The following AIDA variants were observed in gnomAD, a reference collection of about 807,000 sequenced individuals.
AIDA encodes the protein axin interactor, dorsalization-associated protein.
A neutral mutation model predicts 42.7 loss-of-function variants in AIDA; 18 were observed. The ratio of observed to expected loss-of-function variants is 0.42; its 90% CI spans 0.29 to 0.63. The LOEUF (loss-of-function observed/expected upper bound fraction) is 0.63, where lower values mean the gene tolerates loss of function less well. Ranked by LOEUF, AIDA falls within the 20% of genes least tolerant of loss-of-function variation. The probability of loss-of-function intolerance (pLI) is 0.19; values close to 1 mark genes in which losing one functional copy is unlikely to be tolerated. For synonymous variants in AIDA, 104 were observed against 122.9 expected, an observed-to-expected ratio of 0.85 and a Z score of 1.02; for missense variants, 250 against 354.1, an observed-to-expected ratio of 0.71 and a Z score of 2.36.
At chr1:222,701,486 T>C (rs1655703849) in intron 2 of AIDA, among the ~76,000 whole-genome samples, 1 of 152,212 alleles carries the variant, frequency 6.6e-6, no homozygotes, top group African/African-American at 2.4e-5. Context: ...TATATGTGGC[T>C]ATCTGTGATT....
At position 222,669,789 on chromosome 1, in the gene AIDA, C is replaced by T. The variant is rs1558205070; in HGVS notation, c.*104G>A. 12 of 1,035,062 alleles carry T rather than the reference C, an allele frequency of 1.2e-5. No homozygotes were observed. Among genetic ancestry groups the T allele is most frequent in the East Asian group, 2.6e-5 (1 of 38,440 alleles). 64.1% of individuals were successfully genotyped at this position (1,035,062 alleles called of 1,614,324 possible). A position where few individuals can be genotyped will look rare whatever the true frequency, so the allele number is the denominator to read the frequency against. ...TCCGTCCGGCCTACTGGTCTGGGTA[C>T]GGCTTGCTTCCTGCCTGTTGAAGGG... On this transcript the variant is annotated 3_prime_UTR_variant, in exon 10 of 10. Coordinates refer to ENST00000340020, the MANE Select transcript of AIDA (RefSeq NM_022831.4).
intron 5 of AIDA, 91 bp from the exon 6 acceptor site, chr1:222,687,127 T>C: frequency 1.3e-6 from 2 of 1,533,744 alleles, no homozygotes; most frequent in Non-Finnish European, 1.8e-6. Context: ...GGCAAGATGC[T>C]GATATAAAAA....
At chr1:222,711,049 CA>C (rs1336050974) in intron 1 of AIDA, among the ~76,000 whole-genome samples, 5 of 130,412 alleles carry the variant, frequency 3.8e-5, no homozygotes, top group Non-Finnish European at 7.6e-5. Flanking sequence ...TTCCAAGTAC[CA>C]AGCGTATATT....
intron 4 of AIDA, among the ~76,000 whole-genome samples, chr1:222,691,295 T>A (rs145396918): frequency 6.6e-6 from 1 of 152,024 alleles, no homozygotes; most frequent in Non-Finnish European, 1.5e-5. Flanking sequence ...AGAAGTTTGA[T>A]AAGCAAGGCA....
chr1:222,670,319 G>T, intron 8 of AIDA, 69 bp from the exon 9 acceptor site: 2 of 1,281,902 alleles, frequency 1.6e-6, no homozygotes, highest in South Asian at 1.3e-5. Flanking sequence ...AATTTTCTTT[G>T]ATCACCAGAA....
chr1:222,671,090 G>A (rs561193454), intron 8 of AIDA, among the ~76,000 whole-genome samples: 30 of 152,010 alleles, frequency 2.0e-4, no homozygotes, highest in Non-Finnish European at 3.2e-4. Context: ...AGCCAGGCTC[G>A]GTGGCACGTG....
chr1:222,675,515 A>G (rs1425373713), intron 7 of AIDA, among the ~76,000 whole-genome samples: 2 of 152,242 alleles, frequency 1.3e-5, no homozygotes, highest in Non-Finnish European at 2.9e-5. Flanking sequence ...ATAGTTAAGG[A>G]TAAGAAATAC....
At chr1:222,678,943 A>G (rs1372583661) in intron 6 of AIDA, among the ~76,000 whole-genome samples, 2 of 152,294 alleles carry the variant, frequency 1.3e-5, no homozygotes, top group South Asian at 2.1e-4. Context: ...TCTGTCTTAC[A>G]TGGTGAGCAT....
At chr1:222,709,771 T>A (rs1471706175) in intron 1 of AIDA, among the ~76,000 whole-genome samples, 1 of 152,226 alleles carries the variant, frequency 6.6e-6, no homozygotes, top group African/African-American at 2.4e-5. Context: ...ACTTCCGTAA[T>A]TGCAACACCC....
rs764475670 is a variant in AIDA at position 222,673,397 on chromosome 1, G to C, written c.622C>G (p.Pro208Ala). 2.5e-6 allele frequency: 4 copies of C among 1,608,996 alleles called. No individual in the cohort carries two copies. The South Asian group carries it at 4.4e-5, about 18-fold the overall frequency. Residue 208 changes from proline (P) to alanine (A), a missense_variant, in exon 8 of 10, where the codon CCT becomes GCT. Pro to Ala is a conservative substitution (Grantham distance 27, BLOSUM62 -1). Transcript: ENST00000340020. ...GIDLTPVQDT[P>A]VASRKEDTYV... ...GTATCTTCTTTTCTTGAAGCCACAG[G>C]AGTATCTTGCACAGGAGTTAAGTCT...
intron 6 of AIDA, among the ~76,000 whole-genome samples, chr1:222,678,840 T>C (rs1190638277): frequency 5.3e-5 from 8 of 152,244 alleles, no homozygotes; most frequent in Admixed American, 5.2e-4. Context: ...CAGTTCTGGC[T>C]AGATTACCTT....
At chr1:222,679,465 T>G (rs1360218204) in intron 6 of AIDA, among the ~76,000 whole-genome samples, 2 of 152,220 alleles carry the variant, frequency 1.3e-5, no homozygotes, top group Non-Finnish European at 2.9e-5. Context: ...TTCTTCCATA[T>G]GGAAAAGCTG....
In AIDA at chr1:222,693,841, G is replaced by T; in HGVS notation, c.237C>A (p.Ser79=). 6.2e-7 allele frequency: 1 copy of T among 1,606,252 alleles called. No homozygotes were observed. The highest frequency in any genetic ancestry group is 8.5e-7 in the Non-Finnish European group (1 of 1,174,428). ...GTTTAAATTCTTCTTGAGACTGTGT[G>T]GACTAAATTTAAAATAAGCATATTA... ...CLELRSAALQ[S]TQSQEEFKLE... Residue 79 remains serine, a splice_region_variant and synonymous_variant, in exon 4 of 10, where the codon TCC becomes TCA. Coordinates refer to ENST00000340020, the MANE Select transcript of AIDA (RefSeq NM_022831.4).
chr1:222,711,792 G>A (rs895689349), intron 1 of AIDA: 1 of 198,088 alleles, frequency 5.0e-6, no homozygotes, highest in Non-Finnish European at 1.1e-5. Flanking sequence ...TGGAACGTGG[G>A]CGGAGAACAC....
chr1:222,702,876 G>A (rs544870070), intron 2 of AIDA, among the ~76,000 whole-genome samples: 2 of 152,322 alleles, frequency 1.3e-5, no homozygotes, highest in South Asian at 2.1e-4. Flanking sequence ...CCTCTTCAGC[G>A]AAAGCATGAA....
intron 1 of AIDA, 124 bp downstream of exon 1, chr1:222,712,084 T>A (rs1656083987): frequency 1.4e-6 from 2 of 1,444,406 alleles, no homozygotes; most frequent in African/African-American, 2.8e-5. Flanking sequence ...TCAGCCCCAG[T>A]GCCTGCGGAG....
At chr1:222,710,629 A>G (rs1655975718) in intron 1 of AIDA, among the ~76,000 whole-genome samples, 1 of 152,222 alleles carries the variant, frequency 6.6e-6, no homozygotes, top group Admixed American at 6.5e-5. Context: ...GTTCTCCAGT[A>G]ATAAAGAAAA....
At position 222,676,078 on chromosome 1, in the gene AIDA, G is replaced by A; in HGVS notation, c.583+18C>T. 1 of 1,524,700 alleles carries A rather than the reference G, an allele frequency of 6.6e-7. No homozygotes were observed. Among genetic ancestry groups the A allele is most frequent in the Non-Finnish European group, 8.8e-7 (1 of 1,140,728 alleles). 94.4% of individuals were successfully genotyped at this position (1,524,700 alleles called of 1,614,324 possible). On this transcript the variant is annotated intron_variant, in intron 7 of 9. Coordinates refer to ENST00000340020, the MANE Select transcript of AIDA (RefSeq NM_022831.4). ...ATAAAATTCACCTGAGAAAAAAAAAGTAAACAGAGTCACTTACCCTTTACA... is the reference window on the plus strand; with the variant it reads ...ATAAAATTCACCTGAGAAAAAAAAAATAAACAGAGTCACTTACCCTTTACA...
intron 4 of AIDA, among the ~76,000 whole-genome samples, chr1:222,688,286 T>G (rs1655255419): frequency 6.6e-6 from 1 of 152,208 alleles, no homozygotes; most frequent in African/African-American, 2.4e-5. Context: ...CTCAATGCCA[T>G]CAAACTGGTA....
Sources: allele counts gnomAD v4.1 joint callset (sites outside exome capture counted in the v4.1 genomes callset), GRCh38; gene constraint gnomAD v4.1.1; transcripts MANE v1.5; gene names NCBI Gene and HGNC (gene_info 2026-07-23, HGNC 2026-07-21).